CTNND2: variants seen among roughly 807,000 people sequenced by gnomAD.
CTNND2 encodes catenin delta 2.
In CTNND2, 22 loss-of-function variants were observed where a neutral mutation model predicts 144.4. The ratio of observed to expected loss-of-function variants is 0.15; its 90% CI spans 0.11 to 0.22. CTNND2 has a LOEUF of 0.22. CTNND2 is among the 10% of genes least tolerant of loss of function. The pLI is 1.00. For synonymous variants in CTNND2, 751 were observed against 695.6 expected (o/e 1.08, Z -1.25); for missense variants, 1,353 against 1,618.8 (o/e 0.84, Z 2.82).
At chr5:11,024,091 T>C (rs956735885) in intron 16 of CTNND2, among the ~76,000 whole-genome samples, 2 of 152,244 alleles carry the variant, frequency 1.3e-5, no homozygotes, top group African/African-American at 4.8e-5. Flanking sequence ...AATAATAGTC[T>C]TCTTCTGCTA....
chr5:11,431,387 T>C (rs1763271406), intron 3 of CTNND2, among the ~76,000 whole-genome samples: 1 of 152,188 alleles, frequency 6.6e-6, no homozygotes, highest in Non-Finnish European at 1.5e-5. Context: ...TGCCATTTCA[T>C]CCATTAAAAA....
chr5:11,721,387 T>A (rs1268909002), intron 2 of CTNND2, among the ~76,000 whole-genome samples: 4 of 151,884 alleles, frequency 2.6e-5, no homozygotes, highest in Non-Finnish European at 4.4e-5. Context: ...TTTTTTTAAA[T>A]TCACCCCAGG....
chr5:11,679,701 C>A (rs544369558), intron 2 of CTNND2, among the ~76,000 whole-genome samples: 2 of 152,290 alleles, frequency 1.3e-5, no homozygotes, highest in South Asian at 2.1e-4. Flanking sequence ...AAAGTCTCTA[C>A]CTAATTAAAC....
chr5:11,555,305 C>T (rs1229763891), intron 3 of CTNND2, among the ~76,000 whole-genome samples: 1 of 152,116 alleles, frequency 6.6e-6, no homozygotes, highest in Non-Finnish European at 1.5e-5. Context: ...TGGGAGGCAG[C>T]AGCTTTAATC....
intron 12 of CTNND2, among the ~76,000 whole-genome samples, chr5:11,137,738 T>C (rs933170546): frequency 1.3e-5 from 2 of 152,234 alleles, no homozygotes; most frequent in Non-Finnish European, 2.9e-5. Context: ...TCCTTATTTA[T>C]GGAATGTTTT....
intron 1 of CTNND2, among the ~76,000 whole-genome samples, chr5:11,798,309 T>G (rs1791507377): frequency 6.6e-6 from 1 of 151,978 alleles, no homozygotes; most frequent in East Asian, 1.9e-4. Context: ...AGATATCAAT[T>G]TACTTCTTTA....
intron 1 of CTNND2, among the ~76,000 whole-genome samples, chr5:11,900,829 C>T (rs1737792437): frequency 6.6e-6 from 1 of 152,132 alleles, no homozygotes; most frequent in Admixed American, 6.5e-5. Flanking sequence ...GCAGTCCATG[C>T]TTAGTTTTTG....
intron 7 of CTNND2, among the ~76,000 whole-genome samples, chr5:11,383,321 G>A (rs1414684142): frequency 6.6e-6 from 1 of 152,116 alleles, no homozygotes; most frequent in Non-Finnish European, 1.5e-5. Flanking sequence ...TTCTTGACAT[G>A]ATCTGGTAAC....
intron 3 of CTNND2, among the ~76,000 whole-genome samples, chr5:11,521,019 C>G (rs566696186): frequency 6.6e-6 from 1 of 151,954 alleles, no homozygotes; most frequent in African/African-American, 2.4e-5. Flanking sequence ...CATTGTTTTC[C>G]GATTTTCTAT....
At chr5:11,090,068 T>C (rs187580101) in intron 15 of CTNND2, among the ~76,000 whole-genome samples, 145 of 152,294 alleles carry the variant, frequency 9.5e-4, no homozygotes, top group Non-Finnish European at 1.9e-3. Flanking sequence ...TGGGAGTGTG[T>C]TCTAAAGCCA....
At chr5:11,449,966 G>A (rs1765153726) in intron 3 of CTNND2, among the ~76,000 whole-genome samples, 1 of 152,170 alleles carries the variant, frequency 6.6e-6, no homozygotes, top group African/African-American at 2.4e-5. Context: ...ACTGTGATCT[G>A]TTACAGTTTC....
At chr5:11,583,090 C>A (rs1778565199) in intron 2 of CTNND2, among the ~76,000 whole-genome samples, 1 of 152,228 alleles carries the variant, frequency 6.6e-6, no homozygotes, top group South Asian at 2.1e-4. Flanking sequence ...TAAGCTCTTA[C>A]ATAAAATTGA....
intron 1 of CTNND2, among the ~76,000 whole-genome samples, chr5:11,786,299 T>A (rs1343340686): frequency 4.6e-5 from 7 of 152,226 alleles, no homozygotes; most frequent in Admixed American, 4.6e-4. Flanking sequence ...AGGGAATTCA[T>A]CAATTTGCAT....
chr5:11,835,039 G>A (rs1794101625), intron 1 of CTNND2, among the ~76,000 whole-genome samples: 1 of 152,240 alleles, frequency 6.6e-6, no homozygotes, highest in South Asian at 2.1e-4. Context: ...TCAGGAGGCT[G>A]AGATGGGAGG....
intron 2 of CTNND2, among the ~76,000 whole-genome samples, chr5:11,624,321 C>A (rs1266431701): frequency 2.6e-5 from 4 of 152,094 alleles, no homozygotes; most frequent in African/African-American, 9.7e-5. Context: ...CTCAGGTCAT[C>A]TCCTTTATTC....
chr5:11,721,540 A>G (rs550318423), intron 2 of CTNND2, among the ~76,000 whole-genome samples: 6 of 152,292 alleles, frequency 3.9e-5, no homozygotes, highest in Non-Finnish European at 5.9e-5. Context: ...AATTACAACC[A>G]CCATCTGCTT....
chr5:11,060,045 T>C (rs548064643), intron 16 of CTNND2, among the ~76,000 whole-genome samples: 30 of 152,184 alleles, frequency 2.0e-4, no homozygotes, highest in Admixed American at 3.3e-4. Context: ...ATTAGATTTA[T>C]AACTTCTGGG....
At chr5:11,112,174 T>C (rs1753062401) in intron 13 of CTNND2, among the ~76,000 whole-genome samples, 1 of 152,142 alleles carries the variant, frequency 6.6e-6, no homozygotes, top group Non-Finnish European at 1.5e-5. Flanking sequence ...CTCTGGAACC[T>C]GCGCGTATGT....
At chr5:11,787,748 T>A (rs1388520529) in intron 1 of CTNND2, among the ~76,000 whole-genome samples, 1 of 152,180 alleles carries the variant, frequency 6.6e-6, no homozygotes, top group Non-Finnish European at 1.5e-5. Flanking sequence ...GCCTGAACAA[T>A]ATGGATTACT....
Sources: allele counts gnomAD v4.1 joint callset (sites outside exome capture counted in the v4.1 genomes callset), GRCh38; gene constraint gnomAD v4.1.1; transcripts MANE v1.5; gene names NCBI Gene and HGNC (gene_info 2026-07-23, HGNC 2026-07-21).